The following RSPO2 variants were observed in gnomAD, a reference collection of about 807,000 sequenced individuals.
RSPO2 encodes R-spondin-2.
RSPO2 carries 14 observed loss-of-function variants against 30.9 expected under a neutral mutation model. The ratio of observed to expected loss-of-function variants is 0.45; its 90% CI spans 0.30 to 0.71. The LOEUF is 0.71. Among genes scored for constraint, RSPO2 ranks in the 30% least tolerant of loss-of-function variants. RSPO2 has a pLI of 0.08. For missense variants in RSPO2, 264 were observed against 301.9 expected (o/e 0.87, Z 0.93); for synonymous variants, 107 against 96.4 (o/e 1.11, Z -0.64).
intron 2 of RSPO2, among the ~76,000 whole-genome samples, chr8:108,067,251 A>G (rs1190251304): frequency 6.6e-6 from 1 of 152,198 alleles, no homozygotes; most frequent in Non-Finnish European, 1.5e-5. Context: ...GTATAAAGAC[A>G]TTTTTGAGGC....
At chr8:108,000,784 C>G (rs1450354170) in intron 2 of RSPO2, among the ~76,000 whole-genome samples, 1 of 151,926 alleles carries the variant, frequency 6.6e-6, no homozygotes, top group Admixed American at 6.6e-5. Flanking sequence ...GGCAGATCAC[C>G]AGGTTAGGAG....
intron 2 of RSPO2, among the ~76,000 whole-genome samples, chr8:108,000,899 G>A (rs1301047788): frequency 6.6e-6 from 1 of 152,080 alleles, no homozygotes; most frequent in Non-Finnish European, 1.5e-5. Context: ...CTACTCAGGA[G>A]GCTGAGGCAG....
At chr8:108,018,366 T>A (rs971563760) in intron 2 of RSPO2, among the ~76,000 whole-genome samples, 3 of 152,198 alleles carry the variant, frequency 2.0e-5, no homozygotes, top group Non-Finnish European at 2.9e-5. Flanking sequence ...CACACTGTAG[T>A]ATATTAACCA....
intron 5 of RSPO2, among the ~76,000 whole-genome samples, chr8:107,943,517 C>T (rs1223175478): frequency 6.6e-6 from 1 of 152,304 alleles, no homozygotes; most frequent in Non-Finnish European, 1.5e-5. Context: ...TAGACATGCT[C>T]ACGTGCCATC....
intron 2 of RSPO2, among the ~76,000 whole-genome samples, chr8:108,019,321 T>G (rs926277777): frequency 1.3e-5 from 2 of 151,956 alleles, no homozygotes; most frequent in Non-Finnish European, 2.9e-5. Context: ...ACCACTGTAC[T>G]CCAGCCTGGG....
intron 2 of RSPO2, among the ~76,000 whole-genome samples, chr8:108,024,706 G>A (rs779164029): frequency 1.3e-5 from 2 of 152,088 alleles, no homozygotes; most frequent in African/African-American, 4.8e-5. Context: ...AATATTTTAC[G>A]TACTCAACAG....
chr8:108,012,402 T>C (rs1810735060), intron 2 of RSPO2, among the ~76,000 whole-genome samples: 1 of 152,200 alleles, frequency 6.6e-6, no homozygotes, highest in African/African-American at 2.4e-5. Flanking sequence ...TTCCTACACA[T>C]TGCTGTAAGG....
chr8:107,923,663 C>G (rs1812259728), intron 5 of RSPO2, among the ~76,000 whole-genome samples: 1 of 152,138 alleles, frequency 6.6e-6, no homozygotes, highest in African/African-American at 2.4e-5. Flanking sequence ...GACATGGAAT[C>G]ACCCAAGATG....
chr8:108,081,923 A>C (rs1017425408), intron 2 of RSPO2: 3 of 985,030 alleles, frequency 3.0e-6, no homozygotes, highest in Non-Finnish European at 3.6e-6. Flanking sequence ...TTAATTCAGA[A>C]AGTTCCCATC....
intron 2 of RSPO2, among the ~76,000 whole-genome samples, chr8:108,038,161 A>G (rs1811652921): frequency 6.6e-6 from 1 of 152,224 alleles, no homozygotes; most frequent in South Asian, 2.1e-4. Flanking sequence ...GAAGGTCAAA[A>G]TATCAACATT....
intron 5 of RSPO2, among the ~76,000 whole-genome samples, chr8:107,945,171 A>C (rs184477659): frequency 1.4e-4 from 21 of 151,580 alleles, no homozygotes; most frequent in Middle Eastern, 3.4e-3. Flanking sequence ...TGGAATGGCC[A>C]ATCTATGAGA....
intron 2 of RSPO2, chr8:107,996,869 C>T: frequency 2.2e-6 from 1 of 446,962 alleles, no homozygotes; most frequent in Non-Finnish European, 4.5e-6. Flanking sequence ...TTACTTGAAC[C>T]TCAACAGACT....
chr8:107,905,247 C>A (rs1366086280), intron 5 of RSPO2, among the ~76,000 whole-genome samples: 2 of 152,026 alleles, frequency 1.3e-5, no homozygotes, highest in Non-Finnish European at 2.9e-5. Context: ...GAGTAAGGCA[C>A]CGAGGCTGTC....
intron 2 of RSPO2, among the ~76,000 whole-genome samples, chr8:108,079,360 G>C (rs1263860033): frequency 6.6e-6 from 1 of 151,988 alleles, no homozygotes; most frequent in East Asian, 1.9e-4. Context: ...CAAAATAAGG[G>C]GAAGAAAATA....
At chr8:108,059,848 G>A (rs1812390943) in intron 2 of RSPO2, among the ~76,000 whole-genome samples, 1 of 116,288 alleles carries the variant, frequency 8.6e-6, no homozygotes, top group Admixed American at 1.1e-4. Context: ...TCTGGGGACT[G>A]TTGTGGGGTG....
rs12541007 is a variant in RSPO2, at chr8:107,920,353, T to C, written c.617-19163A>G. Among the ~76,000 whole-genome samples the C allele has an allele frequency of 3.7e-3, 561 of 152,234 alleles. 8 individuals are homozygous for C. The East Asian group carries it at 0.066, about 18-fold the overall frequency. ...ATTTTTGAAGCTACTTGTTAGAGCTTATAAATTGGTATTAAGATCGCTTTG... is the reference window on the plus strand; with the variant it reads ...ATTTTTGAAGCTACTTGTTAGAGCTCATAAATTGGTATTAAGATCGCTTTG... On this transcript the variant is annotated intron_variant, in intron 5 of 5. Coordinates refer to ENST00000276659, the MANE Select transcript of RSPO2 (RefSeq NM_178565.5).
chr8:108,047,756 C>T (rs1811948236), intron 2 of RSPO2, among the ~76,000 whole-genome samples: 1 of 151,670 alleles, frequency 6.6e-6, no homozygotes, highest in African/African-American at 2.4e-5. Context: ...GAGGCTGAGG[C>T]AGGAGAATTG....
intron 5 of RSPO2, among the ~76,000 whole-genome samples, chr8:107,917,876 A>G (rs1812028015): frequency 6.6e-6 from 1 of 152,164 alleles, no homozygotes; most frequent in Admixed American, 6.6e-5. Context: ...GGCTTTAATA[A>G]TGGCTGTTTT....
chr8:107,983,747 A>G, intron 3 of RSPO2: 1 of 1,596,624 alleles, frequency 6.3e-7, no homozygotes. Flanking sequence ...AAGGTCCAAT[A>G]GAAAAGGAGC....
Sources: gnomAD v4.1 joint callset for allele counts (sites outside exome capture counted in the v4.1 genomes callset) on GRCh38, gnomAD v4.1.1 for gene constraint, MANE v1.5 for transcripts, NCBI Gene and HGNC (gene_info 2026-07-23, HGNC 2026-07-21) for gene names.